SLMAP: variants seen among roughly 807,000 people sequenced by gnomAD.
The protein encoded by SLMAP is sarcolemma associated protein.
A neutral mutation model predicts 128.8 loss-of-function variants in SLMAP; 44 were observed. The ratio of observed to expected loss-of-function variants is 0.34; its 90% CI spans 0.27 to 0.44. The LOEUF is 0.44. Among genes scored for constraint, SLMAP ranks in the 20% least tolerant of loss-of-function variants. The probability of loss-of-function intolerance (pLI) is 1.00; values close to 1 mark genes in which losing one functional copy is unlikely to be tolerated. For synonymous variants in SLMAP, 327 were observed against 348.8 expected, an observed-to-expected ratio of 0.94 and a Z score of 0.70; for missense variants, 787 against 985.3, an observed-to-expected ratio of 0.80 and a Z score of 2.69.
At chr3:57,857,520 T>C (rs2094852574) in intron 6 of SLMAP, among the ~76,000 whole-genome samples, 6 of 152,214 alleles carry the variant, frequency 3.9e-5, no homozygotes, top group Admixed American at 3.9e-4. Flanking sequence ...TCAAAATATC[T>C]TGTACTGCAC....
intron 2 of SLMAP, among the ~76,000 whole-genome samples, chr3:57,821,063 G>A (rs2092459312): frequency 6.6e-6 from 1 of 152,150 alleles, no homozygotes; most frequent in South Asian, 2.1e-4. Flanking sequence ...GTCTTAATTT[G>A]AAAGCATATT....
chr3:57,922,273 T>G (rs1352745777), intron 22 of SLMAP, among the ~76,000 whole-genome samples: 1 of 152,166 alleles, frequency 6.6e-6, no homozygotes, highest in Non-Finnish European at 1.5e-5. Context: ...TTTTGCTCAG[T>G]TTGAAATTTT....
chr3:57,866,663 G>A (rs1575448925), intron 13 of SLMAP, among the ~76,000 whole-genome samples: 1 of 152,066 alleles, frequency 6.6e-6, no homozygotes, highest in Non-Finnish European at 1.5e-5. Context: ...CAAGCAGATC[G>A]CTTGAGCTCA....
intron 2 of SLMAP, among the ~76,000 whole-genome samples, chr3:57,810,582 C>T (rs181822338): frequency 2.3e-4 from 35 of 152,256 alleles, no homozygotes; most frequent in Non-Finnish European, 4.3e-4. Flanking sequence ...TCTATATATG[C>T]GGCCTCTCAT....
intron 17 of SLMAP, among the ~76,000 whole-genome samples, chr3:57,903,859 A>G (rs954827006): frequency 2.6e-5 from 4 of 152,186 alleles, no homozygotes; most frequent in African/African-American, 9.7e-5. Flanking sequence ...ACGCTTTTCC[A>G]CCAGTACTCA....
chr3:57,928,030 A>G lies in SLMAP; in HGVS notation c.*741A>G, dbSNP rs1262727829. 2 of 152,504 alleles carry G rather than the reference A, an allele frequency of 1.3e-5. No individual in the cohort carries two copies. The highest frequency in any genetic ancestry group is 6.6e-5 in the Admixed American group (1 of 15,244). 9.4% of individuals were successfully genotyped at this position (152,504 alleles called of 1,614,324 possible). On this transcript the variant is annotated 3_prime_UTR_variant, in exon 25 of 25. Coordinates refer to ENST00000671191, the MANE Select transcript of SLMAP (RefSeq NM_001377540.1). The stretch of plus-strand genomic sequence containing the variant: ...ATATGTGCACGCTTGTTCAGCCTTA[A>G]TGTGACTTGAAGATGTGGAGGACAT...
chr3:57,777,650 GC>G (rs1264632657), intron 2 of SLMAP, among the ~76,000 whole-genome samples: 2 of 151,894 alleles, frequency 1.3e-5, no homozygotes, highest in Non-Finnish European at 2.9e-5. Context: ...TATATCACTT[GC>G]AAAAGGTTAG....
At chr3:57,824,498 A>T (rs1577090260) in intron 2 of SLMAP, among the ~76,000 whole-genome samples, 1 of 152,178 alleles carries the variant, frequency 6.6e-6, no homozygotes, top group African/African-American at 2.4e-5. Flanking sequence ...TTTTCCCAGC[A>T]TCATTTATTG....
chr3:57,828,613 T>C (rs1192899416), intron 2 of SLMAP, among the ~76,000 whole-genome samples: 1 of 152,134 alleles, frequency 6.6e-6, no homozygotes, highest in Non-Finnish European at 1.5e-5. Flanking sequence ...CTTCGGATTT[T>C]ATTCTAAGGT....
At position 57,890,082 on chromosome 3, in the gene SLMAP, G is replaced by A; in HGVS notation, c.1342G>A (p.Glu448Lys). ...VEGHLTKAVEETKLSKENQTR... is the reference protein window; with the variant it reads ...VEGHLTKAVEKTKLSKENQTR... ...AGGGCATCTAACCAAAGCGGTAGAA[G>A]AAACAAAGCTTTCAAAAGGTTTGTT... Residue 448 changes from glutamate (E) to lysine (K), a missense_variant, in exon 15 of 25, where the codon GAA becomes AAA. Transcript: ENST00000671191. 4 of 1,613,966 alleles carry A rather than the reference G, an allele frequency of 2.5e-6. No homozygotes were observed. The highest frequency in any genetic ancestry group is 3.4e-6 in the Non-Finnish European group (4 of 1,179,874).
At chr3:57,861,117 T>A (rs1181218223) in intron 9 of SLMAP, among the ~76,000 whole-genome samples, 6 of 149,158 alleles carry the variant, frequency 4.0e-5, no homozygotes, top group Non-Finnish European at 7.5e-5. Context: ...CAGCAGACCA[T>A]GATATGTGCT....
At chr3:57,923,850 A>G (rs948112250) in intron 23 of SLMAP, among the ~76,000 whole-genome samples, 1 of 152,222 alleles carries the variant, frequency 6.6e-6, no homozygotes, top group African/African-American at 2.4e-5. Context: ...CAGAATGCTC[A>G]TGAGTTGTGT....
rs1178306699 is a variant in SLMAP at position 57,864,827 on chromosome 3, G to A, written c.1156G>A (p.Glu386Lys). Residue 386 changes from glutamate (E) to lysine (K), a missense_variant, in exon 12 of 25, where the codon GAG (glutamate) becomes AAG (lysine). Physicochemically the swap from Glu to Lys is moderately conservative, Grantham distance 56. Transcript: ENST00000671191. ...TACAGTACGGTTAGAACATCTTCAG[G>A]AGAAAACTCTTAAAGAATGCAGCAG... The part of the protein sequence containing the change: ...ALQVRLEHLQ[E>K]KTLKECSSLG... 6.3e-7 allele frequency: 1 copy of A among 1,592,026 alleles called. No individual in the cohort carries two copies. Among genetic ancestry groups the A allele is most frequent in the Non-Finnish European group, 8.5e-7 (1 of 1,170,858 alleles).
intron 3 of SLMAP, among the ~76,000 whole-genome samples, chr3:57,834,670 GTTAT>G (rs1004050127): frequency 1.4e-4 from 22 of 152,062 alleles, no homozygotes; most frequent in African/African-American, 5.3e-4. Context: ...TAAACCCTGT[GTTAT>G]TTAAGTAATT....
chr3:57,788,827 C>T (rs1320854173), intron 2 of SLMAP, among the ~76,000 whole-genome samples: 2 of 152,132 alleles, frequency 1.3e-5, no homozygotes, highest in African/African-American at 2.4e-5. Context: ...AATGTGGAAG[C>T]TCGCCGGCAG....
intron 17 of SLMAP, chr3:57,898,420 C>T (rs1431073518): frequency 6.6e-6 from 1 of 152,144 alleles, no homozygotes; most frequent in Non-Finnish European, 1.5e-5. Context: ...GTCTTTTGCA[C>T]TACAGAACTC....
intron 22 of SLMAP, 136 bp downstream of exon 22, chr3:57,917,213 C>G (rs1657397424): frequency 2.0e-6 from 3 of 1,526,330 alleles, no homozygotes; most frequent in African/African-American, 1.4e-5. Flanking sequence ...TGGAACATCT[C>G]TGCTTGGTGA....
intron 14 of SLMAP, among the ~76,000 whole-genome samples, chr3:57,876,769 G>T (rs186841161): frequency 6.6e-6 from 1 of 152,188 alleles, no homozygotes; most frequent in Non-Finnish European, 1.5e-5. Flanking sequence ...ACTTGTACGC[G>T]TGGTGGAAAG....
chr3:57,895,991 C>A (rs2096235553), intron 15 of SLMAP, among the ~76,000 whole-genome samples: 1 of 149,728 alleles, frequency 6.7e-6, no homozygotes, highest in Non-Finnish European at 1.5e-5. Context: ...GGACAGTTAT[C>A]TTTAGAAATA....
Sources: gnomAD v4.1 joint callset for allele counts (sites outside exome capture counted in the v4.1 genomes callset) on GRCh38, gnomAD v4.1.1 for gene constraint, MANE v1.5 for transcripts, NCBI Gene and HGNC (gene_info 2026-07-23, HGNC 2026-07-21) for gene names.